The following PACRG variants were observed in gnomAD, a reference collection of about 807,000 sequenced individuals.
PACRG encodes parkin coregulated gene protein.
A neutral mutation model predicts 29.7 loss-of-function variants in PACRG; 29 were observed. The observed-to-expected ratio is 0.98, with a 90% confidence interval of 0.73 to 1.33. The LOEUF is 1.33. PACRG is among the 40% of genes most tolerant of loss of function. The probability of loss-of-function intolerance (pLI) is 0.00; values close to 1 mark genes in which losing one functional copy is unlikely to be tolerated. For synonymous variants in PACRG, 116 were observed against 118.7 expected (o/e 0.98, Z 0.15); for missense variants, 279 against 316.2 (o/e 0.88, Z 0.89).
chr6:162,855,479 CTGT>C (rs1384286972), intron 2 of PACRG, among the ~76,000 whole-genome samples: 2 of 151,942 alleles, frequency 1.3e-5, no homozygotes, highest in African/African-American at 4.8e-5. Context: ...TTATAGCCAT[CTGT>C]CTTAAACTGT....
chr6:163,183,000 A>C (rs1323747047), intron 4 of PACRG: 1 of 152,256 alleles, frequency 6.6e-6, no homozygotes, highest in African/African-American at 2.4e-5. Context: ...GGATTTAAAT[A>C]GTTTAGAAGA....
intron 2 of PACRG, among the ~76,000 whole-genome samples, chr6:163,058,865 A>G (rs1383892484): frequency 7.2e-6 from 1 of 139,002 alleles, no homozygotes; most frequent in Non-Finnish European, 1.6e-5. Flanking sequence ...GCACCACTGC[A>G]CTCCAGCCTG....
chr6:163,112,420 G>A (rs1205247137), intron 4 of PACRG, among the ~76,000 whole-genome samples: 4 of 152,158 alleles, frequency 2.6e-5, no homozygotes, highest in African/African-American at 9.7e-5. Context: ...TCTGATTGCT[G>A]CTTCTGAATG....
intron 4 of PACRG, among the ~76,000 whole-genome samples, chr6:163,234,614 G>A (rs1782164659): frequency 1.3e-5 from 2 of 152,138 alleles, no homozygotes; most frequent in African/African-American, 4.8e-5. Flanking sequence ...ACATTTAAGG[G>A]ACAGACGGCT....
intron 4 of PACRG, among the ~76,000 whole-genome samples, chr6:163,176,711 G>A (rs1779378686): frequency 6.6e-6 from 1 of 152,152 alleles, no homozygotes; most frequent in East Asian, 1.9e-4. Context: ...GATGAGAGAA[G>A]GTTTCCTAAG....
intron 4 of PACRG, among the ~76,000 whole-genome samples, chr6:163,207,723 AATGCAAGC>A (rs1170186098): frequency 6.6e-6 from 1 of 152,226 alleles, no homozygotes; most frequent in African/African-American, 2.4e-5. Flanking sequence ...ATTAGATTAA[AATGCAAGC>A]ATCTCATTTC....
chr6:163,218,818 C>A (rs11966842), intron 4 of PACRG, among the ~76,000 whole-genome samples: 215 of 152,216 alleles, frequency 1.4e-3, no homozygotes, highest in African/African-American at 5.0e-3. Context: ...ATGTATATAG[C>A]CCAGTGGATC....
At chr6:163,008,746 C>A (rs1471188685) in intron 2 of PACRG, among the ~76,000 whole-genome samples, 13 of 150,262 alleles carry the variant, frequency 8.7e-5, no homozygotes, top group Non-Finnish European at 1.3e-4. Context: ...TGACCTGGGA[C>A]CTGAGAAATG....
intron 2 of PACRG, among the ~76,000 whole-genome samples, chr6:162,963,011 A>T (rs951767799): frequency 6.6e-6 from 1 of 152,144 alleles, no homozygotes; most frequent in African/African-American, 2.4e-5. Context: ...ACATTTATAG[A>T]TCTATATTAG....
intron 2 of PACRG, chr6:162,957,598 C>T (rs758983837): frequency 5.5e-6 from 1 of 181,220 alleles, no homozygotes; most frequent in Non-Finnish European, 1.1e-5. Context: ...TAGACAACGA[C>T]GTCCATGGAA....
chr6:163,125,128 G>A (rs1274986639), intron 4 of PACRG, among the ~76,000 whole-genome samples: 1 of 152,134 alleles, frequency 6.6e-6, no homozygotes, highest in Non-Finnish European at 1.5e-5. Context: ...TTCAATAAAG[G>A]TGATATTTTA....
chr6:163,313,659 G>A (rs965046080), intron 4 of PACRG: 1 of 152,206 alleles, frequency 6.6e-6, no homozygotes. Context: ...TTTCTCTGGT[G>A]AAATGCACAT....
intron 4 of PACRG, among the ~76,000 whole-genome samples, chr6:163,312,621 G>C (rs1247816892): frequency 6.6e-6 from 1 of 151,416 alleles, no homozygotes; most frequent in Admixed American, 6.5e-5. Context: ...CAGAAAAACC[G>C]GTGGACTTCA....
chr6:162,780,772 A>G (rs1268165596), intron 1 of PACRG, among the ~76,000 whole-genome samples: 1 of 152,130 alleles, frequency 6.6e-6, no homozygotes, highest in African/African-American at 2.4e-5. Context: ...AGCACACTGG[A>G]TGGGATCAAA....
At chr6:162,997,535 C>A in intron 2 of PACRG, 1 of 417,696 alleles carries the variant, frequency 2.4e-6, no homozygotes, top group Non-Finnish European at 4.7e-6. Flanking sequence ...TGGAAAAATT[C>A]AATGTCAAGG....
chr6:163,290,190 C>A (rs1784539834), intron 4 of PACRG, among the ~76,000 whole-genome samples: 1 of 152,088 alleles, frequency 6.6e-6, no homozygotes, highest in Admixed American at 6.5e-5. Flanking sequence ...CACTACCCTA[C>A]CCAGAAGTCA....
chr6:163,010,227 G>A (rs1374623951), intron 2 of PACRG, among the ~76,000 whole-genome samples: 2 of 152,056 alleles, frequency 1.3e-5, no homozygotes, highest in Non-Finnish European at 2.9e-5. Context: ...TTCTTTAATT[G>A]TTGTTTTGCA....
chr6:163,000,336 A>T (rs1391814897), intron 2 of PACRG, among the ~76,000 whole-genome samples: 1 of 152,158 alleles, frequency 6.6e-6, no homozygotes, highest in East Asian at 1.9e-4. Flanking sequence ...TTCGCGCTGG[A>T]CAGACTTGCC....
chr6:163,167,347 G>A (rs549360151), intron 4 of PACRG, among the ~76,000 whole-genome samples: 30 of 152,112 alleles, frequency 2.0e-4, no homozygotes, highest in Non-Finnish European at 3.5e-4. Flanking sequence ...CAGTTTGATC[G>A]CCTCCAGAAA....
Sources: allele counts gnomAD v4.1 joint callset (sites outside exome capture counted in the v4.1 genomes callset), GRCh38; gene constraint gnomAD v4.1.1; transcripts MANE v1.5; gene names NCBI Gene and HGNC (gene_info 2026-07-23, HGNC 2026-07-21).